The following ATP13A4 variants were observed in gnomAD, a reference collection of about 807,000 sequenced individuals.
The protein encoded by ATP13A4 is probable cation-transporting ATPase 13A4.
Under a neutral mutation model 142.5 loss-of-function variants are expected in ATP13A4, and 114 were observed. The observed-to-expected ratio is 0.80, with a 90% CI of 0.69 to 0.93. ATP13A4 has a LOEUF of 0.93. ATP13A4 is among the 40% of genes least tolerant of loss of function. The pLI is 0.00. For synonymous variants in ATP13A4, 488 were observed against 514.8 expected, an observed-to-expected ratio of 0.95 and a Z score of 0.70; for missense variants, 1,392 against 1,454.0, an observed-to-expected ratio of 0.96 and a Z score of 0.69.
At chr3:193,424,491 C>A (rs1315968308) in intron 25 of ATP13A4, among the ~76,000 whole-genome samples, 1 of 149,338 alleles carries the variant, frequency 6.7e-6, no homozygotes, top group Non-Finnish European at 1.5e-5. Context: ...ACACATAGAC[C>A]AATGGGACAG....
At chr3:193,516,675 T>C (rs1448000691) in intron 1 of ATP13A4, among the ~76,000 whole-genome samples, 1 of 152,178 alleles carries the variant, frequency 6.6e-6, no homozygotes, top group African/African-American at 2.4e-5. Flanking sequence ...TTCATCTTTT[T>C]AAAATATTAT....
At chr3:193,425,207 A>G (rs781330460) in intron 25 of ATP13A4, among the ~76,000 whole-genome samples, 1 of 151,806 alleles carries the variant, frequency 6.6e-6, no homozygotes, top group Non-Finnish European at 1.5e-5. Context: ...AAGACAAAAA[A>G]TAATAAATAT....
intron 1 of ATP13A4, among the ~76,000 whole-genome samples, chr3:193,516,897 A>G (rs1160493525): frequency 6.6e-6 from 1 of 152,232 alleles, no homozygotes; most frequent in South Asian, 2.1e-4. Flanking sequence ...AGAAAACTAA[A>G]GTTCAAAGTT....
intron 16 of ATP13A4, 73 bp downstream of exon 16, chr3:193,456,927 G>C (rs1238258757): frequency 7.2e-6 from 11 of 1,530,038 alleles, no homozygotes; most frequent in Non-Finnish European, 9.8e-6. Context: ...TGAATTAATA[G>C]ATCAAATGCA....
At chr3:193,425,492 A>G (rs1173942524) in intron 25 of ATP13A4, among the ~76,000 whole-genome samples, 1 of 151,780 alleles carries the variant, frequency 6.6e-6, no homozygotes, top group Non-Finnish European at 1.5e-5. Flanking sequence ...TGAATAAAGA[A>G]CATGTGGTAT....
At chr3:193,533,702 T>A (rs1722443915) in intron 1 of ATP13A4, among the ~76,000 whole-genome samples, 1 of 152,146 alleles carries the variant, frequency 6.6e-6, no homozygotes, top group African/African-American at 2.4e-5. Context: ...AGAAAAAACA[T>A]GACCTGGTCC....
intron 25 of ATP13A4, among the ~76,000 whole-genome samples, chr3:193,433,298 T>C (rs1202240935): frequency 6.6e-6 from 1 of 152,178 alleles, no homozygotes; most frequent in Non-Finnish European, 1.5e-5. Flanking sequence ...CTCATTTTTG[T>C]TGTGAACCTA....
chr3:193,533,766 T>C (rs569215019), intron 1 of ATP13A4, among the ~76,000 whole-genome samples: 7 of 152,264 alleles, frequency 4.6e-5, no homozygotes, highest in Admixed American at 2.6e-4. Context: ...CTCACCAGAC[T>C]GTAATGAGGT....
At chr3:193,488,058 G>C (rs1240886869) in intron 7 of ATP13A4, among the ~76,000 whole-genome samples, 1 of 152,172 alleles carries the variant, frequency 6.6e-6, no homozygotes, top group Non-Finnish European at 1.5e-5. Flanking sequence ...GAGGTCAGGA[G>C]ATCAACACCA....
chr3:193,453,455 A>G (rs1403287351), intron 17 of ATP13A4, among the ~76,000 whole-genome samples: 1 of 152,154 alleles, frequency 6.6e-6, no homozygotes, highest in Non-Finnish European at 1.5e-5. Context: ...TAAACATGAT[A>G]CCTGAAAAGA....
At position 193,492,704 on chromosome 3, in the gene ATP13A4, G is replaced by T. The variant is rs573192149; in HGVS notation, c.533+213C>A. On this transcript the variant is annotated intron_variant, in intron 5 of 29. Transcript: ENST00000342695. ...CCTCAGATTTCTCATTTGTTGTGTG[G>T]AAATGGTGATAATGTCTGTTCTACC... Among the ~76,000 whole-genome samples, 8 of 152,224 alleles carry T rather than the reference G, an allele frequency of 5.3e-5. No individual in the cohort carries two copies. The East Asian group carries it at 1.2e-3, about 22-fold the overall frequency.
At chr3:193,418,076 C>T (rs1423846709) in intron 25 of ATP13A4, among the ~76,000 whole-genome samples, 10 of 103,030 alleles carry the variant, frequency 9.7e-5, no homozygotes, top group East Asian at 3.3e-4. Flanking sequence ...GAGCCGAGAT[C>T]CCGCCACTGC....
intron 8 of ATP13A4, among the ~76,000 whole-genome samples, chr3:193,475,804 T>C (rs1479629508): frequency 1.3e-5 from 2 of 152,068 alleles, no homozygotes; most frequent in Non-Finnish European, 2.9e-5. Flanking sequence ...ATAATTTGAC[T>C]GTACATTTCT....
chr3:193,567,958 TTTTCTTTTC>T (rs988735636), intron 2 of ATP13A4, among the ~76,000 whole-genome samples: 3 of 150,866 alleles, frequency 2.0e-5, no homozygotes, highest in African/African-American at 7.4e-5. Context: ...CTTTCTTTTC[TTTTCTTTTC>T]TTTTTTTTTT....
In ATP13A4 at chr3:193,437,825, A is replaced by ATTTTTT. The variant is rs372139378; in HGVS notation, c.2672+644_2672+649dup. 4.9e-5 allele frequency among the ~76,000 whole-genome samples: 5 copies of ATTTTTT among 102,946 alleles called. 1 individual carries two copies. In the East Asian group the frequency reaches 8.3e-4, roughly 17 times the overall value. 67.5% of individuals were successfully genotyped at this position (102,946 alleles called of 152,430 possible). A position where few individuals can be genotyped will look rare whatever the true frequency, so the allele number is the denominator to read the frequency against. On this transcript the variant is annotated intron_variant, in intron 23 of 29. Coordinates refer to ENST00000342695, the MANE Select transcript of ATP13A4 (RefSeq NM_032279.4). ...GTGAGAGCAGCAAAAGCCAATAAAG[A>ATTTTTT]TTTTTTTTTTTTTTTTTTTTTTTTG...
chr3:193,574,585 A>G (rs959952474), intron 2 of ATP13A4, among the ~76,000 whole-genome samples: 25 of 137,696 alleles, frequency 1.8e-4, no homozygotes, highest in African/African-American at 7.0e-4. Flanking sequence ...TGGGTGTGGC[A>G]TGCACCTGTA....
chr3:193,432,178 G>T (rs923845794), intron 25 of ATP13A4, among the ~76,000 whole-genome samples: 1 of 152,014 alleles, frequency 6.6e-6, no homozygotes, highest in African/African-American at 2.4e-5. Flanking sequence ...CCTTGAGAAG[G>T]TTGGAGGAAG....
intron 2 of ATP13A4, among the ~76,000 whole-genome samples, chr3:193,578,530 G>A (rs1219234923): frequency 6.6e-6 from 1 of 152,072 alleles, no homozygotes; most frequent in East Asian, 1.9e-4. Flanking sequence ...ACTGGATTAA[G>A]AGACACCATG....
rs868768524 is a variant in ATP13A4, at chr3:193,516,595, T to C, written c.61-1724A>G. On this transcript the variant is annotated intron_variant, in intron 1 of 29. Transcript: ENST00000342695. The stretch of plus-strand genomic sequence containing the variant: ...TGTCCTGAGTCCAGCTACCATTCTT[T>C]CCCATGTGCTTTTTCTATGTTTCAA... Among the ~76,000 whole-genome samples, 21 of 152,352 alleles carry C rather than the reference T, an allele frequency of 1.4e-4. 1 individual carries two copies. In the South Asian group the frequency reaches 3.5e-3, roughly 26 times the overall value.
Sources: allele counts gnomAD v4.1 joint callset (sites outside exome capture counted in the v4.1 genomes callset), GRCh38; gene constraint gnomAD v4.1.1; transcripts MANE v1.5; gene names NCBI Gene and HGNC (gene_info 2026-07-23, HGNC 2026-07-21).